TLL1: variants seen among roughly 807,000 people sequenced by gnomAD.
The protein encoded by TLL1 is tolloid like 1.
A neutral mutation model predicts 128.2 loss-of-function variants in TLL1; 49 were observed. That is an observed-to-expected ratio of 0.38 (90% CI 0.30 to 0.48). TLL1 has a LOEUF of 0.48. Among genes scored for constraint, TLL1 ranks in the 20% least tolerant of loss-of-function variants. The probability of loss-of-function intolerance (pLI) is 0.96; values close to 1 mark genes in which losing one functional copy is unlikely to be tolerated. For synonymous variants in TLL1, 454 were observed against 418.8 expected (o/e 1.08, Z -1.03); for missense variants, 1,123 against 1,242.0 (o/e 0.90, Z 1.44).
chr4:165,907,555 T>TTG (rs1243861307), intron 1 of TLL1, among the ~76,000 whole-genome samples: 1 of 151,960 alleles, frequency 6.6e-6, no homozygotes, highest in East Asian at 1.9e-4. Flanking sequence ...CAAGCCTTTT[T>TTG]TTTTTTTTTT....
intron 9 of TLL1, among the ~76,000 whole-genome samples, chr4:166,025,760 G>A (rs138075629): frequency 0.029 from 4,441 of 152,060 alleles, 79 homozygotes; most frequent in Middle Eastern, 0.051. Flanking sequence ...TAGATGTCCA[G>A]TTCAACCAGG....
intron 5 of TLL1, among the ~76,000 whole-genome samples, chr4:166,001,809 A>G (rs1283116483): frequency 6.9e-6 from 1 of 145,504 alleles, no homozygotes; most frequent in Non-Finnish European, 1.5e-5. Context: ...AAAAAAAAAA[A>G]GAAAAATGTC....
chr4:165,910,497 T>C (rs1167119442), intron 1 of TLL1, among the ~76,000 whole-genome samples: 1 of 152,208 alleles, frequency 6.6e-6, no homozygotes, highest in Admixed American at 6.5e-5. Context: ...TCTTCTGCTA[T>C]AAAATTAGGG....
intron 18 of TLL1, among the ~76,000 whole-genome samples, chr4:166,089,471 A>G (rs75295128): frequency 6.6e-6 from 1 of 152,104 alleles, no homozygotes; most frequent in African/African-American, 2.4e-5. Flanking sequence ...CCATATACTT[A>G]TTCAGAATCT....
At chr4:166,027,357 T>A (rs756788187) in intron 9 of TLL1, among the ~76,000 whole-genome samples, 1 of 152,160 alleles carries the variant, frequency 6.6e-6, no homozygotes, top group Non-Finnish European at 1.5e-5. Flanking sequence ...GTGGTGGGAA[T>A]GCAATTGCAA....
chr4:166,098,682 T>C (rs1202444636), intron 19 of TLL1, among the ~76,000 whole-genome samples: 2 of 152,062 alleles, frequency 1.3e-5, no homozygotes, highest in East Asian at 3.9e-4. Flanking sequence ...TCTATCGAAG[T>C]AAAATACTAC....
At chr4:165,942,398 G>A (rs956617461) in intron 1 of TLL1, among the ~76,000 whole-genome samples, 5 of 151,578 alleles carry the variant, frequency 3.3e-5, no homozygotes, top group Non-Finnish European at 5.9e-5. Flanking sequence ...ACAATACTGT[G>A]GGCTCCCATG....
intron 16 of TLL1, among the ~76,000 whole-genome samples, chr4:166,070,990 T>C (rs919469896): frequency 2.6e-5 from 4 of 151,944 alleles, no homozygotes; most frequent in African/African-American, 4.8e-5. Context: ...AAAGAGAAAA[T>C]TGTCTCTGTT....
At chr4:166,057,042 C>T (rs1740045119) in intron 13 of TLL1, 142 bp from the exon 14 acceptor site, 4 of 848,664 alleles carry the variant, frequency 4.7e-6, no homozygotes, top group Non-Finnish European at 7.8e-6. Flanking sequence ...AGTTACCTCT[C>T]ACCAGGTCCC....
intron 1 of TLL1, among the ~76,000 whole-genome samples, chr4:165,947,127 G>A (rs1027913496): frequency 3.3e-5 from 5 of 152,110 alleles, no homozygotes; most frequent in Admixed American, 2.6e-4. Flanking sequence ...AGGCAAAGTA[G>A]GTTCATTCTG....
chr4:166,003,112 T>A (rs1560803666), intron 5 of TLL1, among the ~76,000 whole-genome samples: 1 of 152,192 alleles, frequency 6.6e-6, no homozygotes, highest in Non-Finnish European at 1.5e-5. Context: ...ATTAGTTTAT[T>A]TTCTGATGTA....
chr4:166,041,714 AC>A (rs1321587456), intron 10 of TLL1, among the ~76,000 whole-genome samples: 2 of 151,880 alleles, frequency 1.3e-5, no homozygotes, highest in African/African-American at 4.8e-5. Context: ...AATATTCCCC[AC>A]CTTGATGCAT....
intron 5 of TLL1, among the ~76,000 whole-genome samples, chr4:166,000,775 A>T (rs950125487): frequency 1.3e-5 from 2 of 152,136 alleles, no homozygotes; most frequent in African/African-American, 4.8e-5. Flanking sequence ...ATTCAAATAC[A>T]TAATAGGTAC....
chr4:165,900,677 G>A (rs1018192192), intron 1 of TLL1, among the ~76,000 whole-genome samples: 36 of 151,264 alleles, frequency 2.4e-4, no homozygotes, highest in Non-Finnish European at 2.5e-4. Context: ...ATTTTTTTCC[G>A]TCATTTCAAC....
chr4:165,995,196 G>C lies in TLL1; in HGVS notation c.632+18G>C. On this transcript the variant is annotated intron_variant, in intron 5 of 20. Coordinates refer to ENST00000061240, the MANE Select transcript of TLL1 (RefSeq NM_012464.5). ...CCTTGTGGGTAAGTAGAACTAGGTA[G>C]GGACTGACTTAAGGAAAAAAAAAAT... is the stretch of plus-strand genomic sequence containing the variant. The C allele has an allele frequency of 6.5e-7, 1 of 1,548,080 alleles. No individual in the cohort carries two copies. The highest frequency in any genetic ancestry group is 8.9e-7 in the Non-Finnish European group (1 of 1,119,936).
intron 9 of TLL1, among the ~76,000 whole-genome samples, chr4:166,036,644 T>C (rs1739014971): frequency 6.6e-6 from 1 of 152,160 alleles, no homozygotes; most frequent in Non-Finnish European, 1.5e-5. Flanking sequence ...AGAAAACCTA[T>C]CTTTATTACA....
Position 165,873,990 on chromosome 4 carries a change from C to A in TLL1, c.86C>A (p.Ala29Asp). The A allele has an allele frequency of 6.2e-7, 1 of 1,614,170 alleles. No individual in the cohort carries two copies. Among genetic ancestry groups the A allele is most frequent in the Non-Finnish European group, 8.5e-7 (1 of 1,180,030 alleles). The change falls in exon 1 of 21, where the codon GCT (alanine) becomes GAT (aspartate). Residue 29 changes from alanine (A) to aspartate (D), a missense_variant. Transcript: ENST00000061240. Reference sequence around the variant, plus strand: ...TTCTACGGGGAGCTATGGGTCTGCGCTGGCCTCGATTATGATTACACTTTT... The same window carrying A: ...TTCTACGGGGAGCTATGGGTCTGCGATGGCCTCGATTATGATTACACTTTT... Reference protein sequence around the residue: ...IVFYGELWVCAGLDYDYTFDG... With the variant: ...IVFYGELWVCDGLDYDYTFDG...
intron 1 of TLL1, among the ~76,000 whole-genome samples, chr4:165,949,270 T>C (rs1195890760): frequency 1.3e-5 from 2 of 152,218 alleles, no homozygotes; most frequent in East Asian, 3.9e-4. Context: ...ACTCTGTTGA[T>C]GCAAGGAACT....
At chr4:166,066,296 A>T (rs1023208123) in intron 16 of TLL1, among the ~76,000 whole-genome samples, 1 of 151,656 alleles carries the variant, frequency 6.6e-6, no homozygotes, top group Non-Finnish European at 1.5e-5. Context: ...ACTAAATATA[A>T]TATATTGTCA....
Sources: allele counts gnomAD v4.1 joint callset (sites outside exome capture counted in the v4.1 genomes callset), GRCh38; gene constraint gnomAD v4.1.1; transcripts MANE v1.5; gene names NCBI Gene and HGNC (gene_info 2026-07-23, HGNC 2026-07-21).